Variants in DPP10 observed in about 807,000 individuals in gnomAD.
DPP10 encodes dipeptidyl peptidase like 10, also known as inactive dipeptidyl peptidase 10.
DPP10 carries 33 observed loss-of-function variants against 120.9 expected under a neutral mutation model. The observed-to-expected ratio is 0.27, with a 90% CI of 0.21 to 0.37. The LOEUF (loss-of-function observed/expected upper bound fraction) is 0.37. Ranked by LOEUF, DPP10 falls within the 10% of genes least tolerant of loss-of-function variation. The pLI, the probability that DPP10 is intolerant of heterozygous loss-of-function variation, is 1.00. For synonymous variants in DPP10, 337 were observed against 326.1 expected, an observed-to-expected ratio of 1.03 and a Z score of -0.36; for missense variants, 816 against 942.8, an observed-to-expected ratio of 0.87 and a Z score of 1.76.
chr2:115,110,779 T>C (rs554989289), intron 1 of DPP10, among the ~76,000 whole-genome samples: 9 of 152,228 alleles, frequency 5.9e-5, no homozygotes, highest in African/African-American at 1.2e-4. Flanking sequence ...TTGATTTTTT[T>C]CCCCTGATTT....
At chr2:114,766,175 C>A (rs1680688950) in intron 1 of DPP10, among the ~76,000 whole-genome samples, 1 of 151,784 alleles carries the variant, frequency 6.6e-6, no homozygotes, top group Admixed American at 6.6e-5. Flanking sequence ...AATAATTAAA[C>A]AGATTTGGAA....
At chr2:114,952,846 C>A (rs1297235616) in intron 1 of DPP10, among the ~76,000 whole-genome samples, 2 of 152,204 alleles carry the variant, frequency 1.3e-5, no homozygotes, top group African/African-American at 4.8e-5. Context: ...TGCTAGTCAG[C>A]CACAGCCATG....
At chr2:115,681,549 G>C (rs925568734) in intron 5 of DPP10, among the ~76,000 whole-genome samples, 7 of 151,594 alleles carry the variant, frequency 4.6e-5, no homozygotes, top group Non-Finnish European at 1.0e-4. Context: ...GTAATCTCTT[G>C]GGCTTAGCCT....
intron 1 of DPP10, among the ~76,000 whole-genome samples, chr2:115,074,896 T>G (rs1043576915): frequency 6.6e-6 from 1 of 152,162 alleles, no homozygotes; most frequent in African/African-American, 2.4e-5. Context: ...TGCTAGTCAA[T>G]AAAATTGGCA....
At chr2:114,916,021 C>T (rs1694773797) in intron 1 of DPP10, among the ~76,000 whole-genome samples, 1 of 150,930 alleles carries the variant, frequency 6.6e-6, no homozygotes, top group African/African-American at 2.4e-5. Flanking sequence ...CACATGAATC[C>T]ATAAAAAAGA....
chr2:115,533,958 C>T (rs1042201186), intron 5 of DPP10, among the ~76,000 whole-genome samples: 4 of 151,644 alleles, frequency 2.6e-5, no homozygotes, highest in African/African-American at 7.3e-5. Context: ...TTGAAAAGTC[C>T]CTAGGAGGTG....
chr2:114,786,340 T>C (rs1453431224), intron 1 of DPP10, among the ~76,000 whole-genome samples: 2 of 152,194 alleles, frequency 1.3e-5, no homozygotes, highest in Non-Finnish European at 1.5e-5. Context: ...CAAGGACTCC[T>C]AAAAACACAT....
intron 20 of DPP10, among the ~76,000 whole-genome samples, chr2:115,815,197 T>A (rs1272052407): frequency 6.6e-6 from 1 of 152,182 alleles, no homozygotes; most frequent in Non-Finnish European, 1.5e-5. Context: ...CCCTCTGGAA[T>A]TAAAATTTAC....
chr2:114,859,850 C>T (rs879691597), intron 1 of DPP10, among the ~76,000 whole-genome samples: 16 of 152,154 alleles, frequency 1.1e-4, no homozygotes, highest in African/African-American at 3.1e-4. Context: ...TCAATTACCA[C>T]GATTTCAGGG....
chr2:115,255,515 A>G (rs1030985114), intron 1 of DPP10, among the ~76,000 whole-genome samples: 1 of 152,210 alleles, frequency 6.6e-6, no homozygotes, highest in Non-Finnish European at 1.5e-5. Flanking sequence ...TTCTGTAACC[A>G]GCTTTAATTT....
chr2:115,612,491 TTG>T (rs2084182615), intron 5 of DPP10, among the ~76,000 whole-genome samples: 3 of 152,200 alleles, frequency 2.0e-5, no homozygotes, highest in Admixed American at 6.5e-5. Flanking sequence ...ATTATCATTA[TTG>T]CATTTACATA....
intron 1 of DPP10, among the ~76,000 whole-genome samples, chr2:114,748,350 TATTTTTTTTTA>T (rs1558698761): frequency 8.3e-5 from 10 of 119,854 alleles, no homozygotes; most frequent in African/African-American, 3.5e-4. Context: ...TTTTTTTTTT[TATTTTTTTTTA>T]TTTTATTTAT....
chr2:115,074,988 T>G (rs950026789), intron 1 of DPP10, among the ~76,000 whole-genome samples: 2 of 152,108 alleles, frequency 1.3e-5, no homozygotes, highest in Non-Finnish European at 2.9e-5. Flanking sequence ...CCATCCAAGA[T>G]GAAATGTCGG....
rs532508830 is a variant in DPP10, at chr2:114,777,220, G to A, written c.60+334382G>A. ...CTTCTTAGAATAAGAAAAGAGTACA[G>A]GAAGACCAACAAGTCACATTCAAAC... On this transcript the variant is annotated intron_variant, in intron 1 of 25. Coordinates refer to ENST00000410059, the MANE Select transcript of DPP10 (RefSeq NM_020868.6). Among the ~76,000 whole-genome samples the A allele has an allele frequency of 9.9e-5, 15 of 152,158 alleles. No individual in the cohort carries two copies. The East Asian group carries it at 2.7e-3, about 27-fold the overall frequency.
chr2:115,442,358 T>A (rs1264315787), intron 3 of DPP10, among the ~76,000 whole-genome samples: 1 of 138,814 alleles, frequency 7.2e-6, no homozygotes, highest in African/African-American at 3.2e-5. Flanking sequence ...TCTGTGTGTG[T>A]GTGTTTGTGT....
intron 1 of DPP10, among the ~76,000 whole-genome samples, chr2:114,834,553 A>G (rs907459765): frequency 1.9e-3 from 281 of 145,168 alleles, no homozygotes; most frequent in African/African-American, 7.4e-3. Context: ...TATAAGCCAT[A>G]TCTACGCACC....
chr2:114,962,896 A>T (rs1458009855), intron 1 of DPP10, among the ~76,000 whole-genome samples: 1 of 152,170 alleles, frequency 6.6e-6, no homozygotes, highest in Non-Finnish European at 1.5e-5. Context: ...TATTCCTATA[A>T]CTTGTAAAAT....
intron 1 of DPP10, among the ~76,000 whole-genome samples, chr2:115,127,577 T>C (rs950486007): frequency 6.6e-6 from 1 of 152,214 alleles, no homozygotes; most frequent in Non-Finnish European, 1.5e-5. Context: ...AGATTAAAAA[T>C]GGACCCGAAT....
chr2:115,206,434 A>G (rs1282778491), intron 1 of DPP10, among the ~76,000 whole-genome samples: 1 of 152,216 alleles, frequency 6.6e-6, no homozygotes, highest in Non-Finnish European at 1.5e-5. Context: ...ACTGCCGAGT[A>G]GGTTCCTTCC....
Sources: allele counts gnomAD v4.1 joint callset (sites outside exome capture counted in the v4.1 genomes callset), GRCh38; gene constraint gnomAD v4.1.1; transcripts MANE v1.5; gene names NCBI Gene and HGNC (gene_info 2026-07-23, HGNC 2026-07-21).